Variants in MIPOL1 observed in about 807,000 individuals in gnomAD.
MIPOL1 encodes mirror-image polydactyly 1, also known as mirror-image polydactyly gene 1 protein.
A neutral mutation model predicts 60.9 loss-of-function variants in MIPOL1; 57 were observed. That is an observed-to-expected ratio of 0.94 (90% CI 0.76 to 1.17). The LOEUF is 1.17. Among genes scored for constraint, MIPOL1 ranks in the 50% most tolerant of loss-of-function variants. The probability of loss-of-function intolerance (pLI) is 0.00; values close to 1 mark genes in which losing one functional copy is unlikely to be tolerated. For missense variants in MIPOL1, 551 were observed against 511.6 expected (o/e 1.08, Z -0.74); for synonymous variants, 179 against 168.8 (o/e 1.06, Z -0.47).
intron 1 of MIPOL1, among the ~76,000 whole-genome samples, chr14:37,213,445 C>T (rs191099512): frequency 5.9e-5 from 9 of 152,092 alleles, no homozygotes; most frequent in East Asian, 1.9e-4. Flanking sequence ...GCATCTAAGT[C>T]GTTTAATAGC....
At chr14:37,290,782 T>A (rs1221882981) in intron 7 of MIPOL1, among the ~76,000 whole-genome samples, 1 of 152,006 alleles carries the variant, frequency 6.6e-6, no homozygotes, top group Non-Finnish European at 1.5e-5. Flanking sequence ...GGTTGTGGGG[T>A]TTTTTTGTAC....
chr14:37,317,014 G>C (rs1345117838), intron 9 of MIPOL1, among the ~76,000 whole-genome samples: 1 of 151,984 alleles, frequency 6.6e-6, no homozygotes, highest in African/African-American at 2.4e-5. Flanking sequence ...GATAATTGCA[G>C]TACCAAGTCC....
intron 12 of MIPOL1, among the ~76,000 whole-genome samples, chr14:37,516,317 T>G (rs2095368944): frequency 6.6e-6 from 1 of 152,190 alleles, no homozygotes; most frequent in Admixed American, 6.5e-5. Flanking sequence ...AATGGCATCT[T>G]TAACATACAG....
At chr14:37,330,462 TTAATG>T (rs1433734767) in intron 9 of MIPOL1, among the ~76,000 whole-genome samples, 2 of 152,114 alleles carry the variant, frequency 1.3e-5, no homozygotes, top group Non-Finnish European at 2.9e-5. Context: ...TAATTTAACT[TTAATG>T]TATTAAGTAT....
chr14:37,458,710 G>A (rs2094504742), intron 11 of MIPOL1, among the ~76,000 whole-genome samples: 1 of 151,866 alleles, frequency 6.6e-6, no homozygotes, highest in Non-Finnish European at 1.5e-5. Context: ...ACTTAGCTGG[G>A]CATAGTGGCA....
At position 37,549,696 on chromosome 14, in the gene MIPOL1, A is replaced by G. The variant is rs2095556958; in HGVS notation, c.*2725A>G. 6.6e-6 allele frequency: 1 copy of G among 151,940 alleles called. No individual in the cohort carries two copies. Among genetic ancestry groups the G allele is most frequent in the Admixed American group, 6.6e-5 (1 of 15,258 alleles). 9.4% of individuals were successfully genotyped at this position (151,940 alleles called of 1,614,324 possible). Reference sequence around the variant, plus strand: ...AATTCCCTAATAATCAAAAGATTGTACACATTTTTTTCAATGAAGTACAAT... The same window carrying G: ...AATTCCCTAATAATCAAAAGATTGTGCACATTTTTTTCAATGAAGTACAAT... On this transcript the variant is annotated 3_prime_UTR_variant, in exon 13 of 13. Transcript: ENST00000684589.
At chr14:37,431,923 T>C (rs1218797588) in intron 11 of MIPOL1, among the ~76,000 whole-genome samples, 2 of 152,090 alleles carry the variant, frequency 1.3e-5, no homozygotes, top group Non-Finnish European at 2.9e-5. Flanking sequence ...ATCTTTTTGC[T>C]TCCCAGTTTC....
At chr14:37,444,795 C>T (rs541641956) in intron 11 of MIPOL1, among the ~76,000 whole-genome samples, 14 of 152,202 alleles carry the variant, frequency 9.2e-5, no homozygotes, top group South Asian at 8.3e-4. Flanking sequence ...AAATGTAATC[C>T]GGCATATAAA....
chr14:37,511,500 T>A (rs964034625), intron 12 of MIPOL1, among the ~76,000 whole-genome samples: 5 of 152,184 alleles, frequency 3.3e-5, no homozygotes, highest in Admixed American at 2.0e-4. Flanking sequence ...AGACTATCCC[T>A]AATCCCCATT....
intron 9 of MIPOL1, among the ~76,000 whole-genome samples, chr14:37,357,506 A>G (rs1006327911): frequency 6.6e-6 from 1 of 152,202 alleles, no homozygotes; most frequent in Non-Finnish European, 1.5e-5. Flanking sequence ...GTTGATGATC[A>G]GTGATATTGA....
intron 9 of MIPOL1, among the ~76,000 whole-genome samples, chr14:37,348,557 A>G (rs1000920892): frequency 6.6e-6 from 1 of 152,126 alleles, no homozygotes; most frequent in African/African-American, 2.4e-5. Flanking sequence ...CTAGGAATAA[A>G]AAATAATGTC....
At position 37,307,934 on chromosome 14, in the gene MIPOL1, T is replaced by C. The variant is rs541709928; in HGVS notation, c.624-122T>C. On this transcript the variant is annotated intron_variant, in intron 7 of 12. Transcript: ENST00000684589. ...TGGCACTTTAATATGTTCAGTGTCA[T>C]GGTTGACTCTAAAGACTAGTCGAAT... The C allele has an allele frequency of 1.6e-5, 12 of 754,408 alleles. No homozygotes were observed. In the East Asian group the frequency reaches 2.3e-4, roughly 14 times the overall value. 46.7% of individuals were successfully genotyped at this position (754,408 alleles called of 1,614,324 possible). A position where few individuals can be genotyped will look rare whatever the true frequency, so the allele number is the denominator to read the frequency against.
chr14:37,233,735 G>T (rs925914036), intron 1 of MIPOL1, among the ~76,000 whole-genome samples: 1 of 152,318 alleles, frequency 6.6e-6, no homozygotes, highest in Non-Finnish European at 1.5e-5. Context: ...ATTGCTGTGG[G>T]GGAGGAGGCC....
intron 6 of MIPOL1, among the ~76,000 whole-genome samples, chr14:37,283,347 G>T (rs1209341794): frequency 2.6e-5 from 4 of 152,082 alleles, no homozygotes; most frequent in African/African-American, 9.7e-5. Context: ...GATTACAGGT[G>T]TGAGCCACCA....
intron 11 of MIPOL1, among the ~76,000 whole-genome samples, chr14:37,452,282 T>C (rs536755740): frequency 6.6e-6 from 1 of 152,218 alleles, no homozygotes; most frequent in Non-Finnish European, 1.5e-5. Context: ...AAATGTTGCA[T>C]TTATTAAAAT....
chr14:37,506,475 A>C (rs573906699), intron 12 of MIPOL1: 1 of 152,340 alleles, frequency 6.6e-6, no homozygotes, highest in African/African-American at 2.4e-5. Context: ...TCTTTGACAA[A>C]CCTGACAAAA....
chr14:37,509,717 A>G (rs968294359), intron 12 of MIPOL1, among the ~76,000 whole-genome samples: 2 of 150,480 alleles, frequency 1.3e-5, no homozygotes, highest in Non-Finnish European at 3.0e-5. Flanking sequence ...ATGTTTATGT[A>G]CGTTTATACA....
At chr14:37,236,408 G>T (rs562064795) in intron 1 of MIPOL1, among the ~76,000 whole-genome samples, 7 of 151,822 alleles carry the variant, frequency 4.6e-5, no homozygotes, top group Non-Finnish European at 8.8e-5. Context: ...TCTATTGAAG[G>T]CTGTAGTAGT....
At chr14:37,275,003 TA>T (rs1567239003) in intron 6 of MIPOL1, among the ~76,000 whole-genome samples, 2 of 151,330 alleles carry the variant, frequency 1.3e-5, no homozygotes, top group Non-Finnish European at 3.0e-5. Flanking sequence ...TTTCTTTTGT[TA>T]AAATAGTTTA....
Sources: allele counts gnomAD v4.1 joint callset (sites outside exome capture counted in the v4.1 genomes callset), GRCh38; gene constraint gnomAD v4.1.1; transcripts MANE v1.5; gene names NCBI Gene and HGNC (gene_info 2026-07-23, HGNC 2026-07-21).